EXOC4: variants seen among roughly 807,000 people sequenced by gnomAD.
EXOC4 encodes SEC8-like 1.
EXOC4 carries 71 observed loss-of-function variants against 107.2 expected under a neutral mutation model. The ratio of observed to expected loss-of-function variants is 0.66; its 90% CI spans 0.55 to 0.81. The LOEUF is 0.81. EXOC4 is among the 30% of genes least tolerant of loss of function. The pLI is 0.00. For synonymous variants in EXOC4, 456 were observed against 441.2 expected (o/e 1.03, Z -0.42); for missense variants, 1,108 against 1,189.6 (o/e 0.93, Z 1.01).
intron 10 of EXOC4, among the ~76,000 whole-genome samples, chr7:133,632,123 A>AT (rs1322194682): frequency 2.6e-5 from 4 of 152,092 alleles, no homozygotes; most frequent in African/African-American, 4.8e-5. Context: ...AATAAAATGC[A>AT]TTTTTTTGTA....
At chr7:134,002,165 G>C (rs1216604539) in intron 15 of EXOC4, among the ~76,000 whole-genome samples, 1 of 152,108 alleles carries the variant, frequency 6.6e-6, no homozygotes, top group Non-Finnish European at 1.5e-5. Context: ...ATTAGTACTT[G>C]AATATCAGAA....
intron 11 of EXOC4, among the ~76,000 whole-genome samples, chr7:133,880,396 A>G (rs1437978527): frequency 6.6e-6 from 1 of 152,164 alleles, no homozygotes. Context: ...TGAAGTGTGC[A>G]TGGGTATGTG....
At chr7:133,716,956 T>A (rs1422190890) in intron 10 of EXOC4, among the ~76,000 whole-genome samples, 1 of 152,040 alleles carries the variant, frequency 6.6e-6, no homozygotes, top group Non-Finnish European at 1.5e-5. Flanking sequence ...AGAAAAAAAA[T>A]AAAATATTCT....
At chr7:133,287,624 T>C (rs1218657539) in intron 2 of EXOC4, among the ~76,000 whole-genome samples, 3 of 152,208 alleles carry the variant, frequency 2.0e-5, no homozygotes, top group South Asian at 4.1e-4. Context: ...ACTATACTTA[T>C]TAAGAGAGGT....
intron 17 of EXOC4, among the ~76,000 whole-genome samples, chr7:134,011,819 G>T (rs1361595274): frequency 6.6e-6 from 1 of 151,790 alleles, no homozygotes. Context: ...ATGGGGAGGG[G>T]ACCAGAGGGT....
In EXOC4 at chr7:133,253,192, G is replaced by GGGAGGCA. The variant is rs575925242; in HGVS notation, c.86+15_86+21dup. The GGGAGGCA allele has an allele frequency of 1.6e-4, 252 of 1,613,768 alleles. No homozygotes were observed. The African/African-American group carries it at 2.8e-3, about 18-fold the overall frequency. ...GCTGCTCATCTCTGTGATCAGGTGA[G>GGGAGGCA]GGAGGCAGGAGGCAGGGTCTGGGGA... is the stretch of plus-strand genomic sequence containing the variant. On this transcript the variant is annotated splice_donor_region_variant and intron_variant, in intron 1 of 17. Transcript: ENST00000253861.
At chr7:133,632,112 TAATAA>T (rs528166425) in intron 10 of EXOC4, among the ~76,000 whole-genome samples, 3 of 152,176 alleles carry the variant, frequency 2.0e-5, no homozygotes, top group East Asian at 3.8e-4. Flanking sequence ...ATTTTACACT[TAATAA>T]AATGCATTTT....
chr7:134,068,530 A>G (rs1409653280), downstream of EXOC4, among the ~76,000 whole-genome samples: 1 of 151,882 alleles, frequency 6.6e-6, no homozygotes, highest in Non-Finnish European at 1.5e-5. Flanking sequence ...CCTCTTTTTC[A>G]TTATAAATTA....
At chr7:133,524,529 G>A (rs1584977074) in intron 9 of EXOC4, among the ~76,000 whole-genome samples, 1 of 139,252 alleles carries the variant, frequency 7.2e-6, no homozygotes, top group African/African-American at 2.7e-5. Flanking sequence ...CCTATGTCCT[G>A]AATGGTAATG....
intron 11 of EXOC4, among the ~76,000 whole-genome samples, chr7:133,856,332 A>G (rs1272041104): frequency 6.6e-6 from 1 of 152,268 alleles, no homozygotes; most frequent in African/African-American, 2.4e-5. Flanking sequence ...AATATGTGTG[A>G]TGCTTTAGTG....
At chr7:133,437,395 C>G (rs1798000463) in intron 7 of EXOC4, among the ~76,000 whole-genome samples, 1 of 152,158 alleles carries the variant, frequency 6.6e-6, no homozygotes, top group Non-Finnish European at 1.5e-5. Flanking sequence ...CATTCATTTT[C>G]TAGCTCATGG....
chr7:133,713,866 G>A (rs1022785317), intron 10 of EXOC4, among the ~76,000 whole-genome samples: 1 of 152,138 alleles, frequency 6.6e-6, no homozygotes, highest in Non-Finnish European at 1.5e-5. Context: ...GCTGAACTGT[G>A]AGCCAATTAA....
At chr7:134,047,883 G>T (rs116858731) in intron 17 of EXOC4, among the ~76,000 whole-genome samples, 58 of 152,154 alleles carry the variant, frequency 3.8e-4, no homozygotes, top group Non-Finnish European at 7.5e-4. Flanking sequence ...ATGGCCTTGC[G>T]GTAAAGAAAG....
chr7:133,371,100 A>G (rs1302160302), intron 6 of EXOC4, among the ~76,000 whole-genome samples: 3 of 152,204 alleles, frequency 2.0e-5, no homozygotes, highest in African/African-American at 7.2e-5. Context: ...ATGTAAAGGA[A>G]TCAGCTTTCA....
intron 9 of EXOC4, among the ~76,000 whole-genome samples, chr7:133,532,203 G>A (rs1584981552): frequency 6.6e-6 from 1 of 151,954 alleles, no homozygotes; most frequent in African/African-American, 2.4e-5. Context: ...TAATGTTGGG[G>A]AAGCCAGTAA....
intron 9 of EXOC4, among the ~76,000 whole-genome samples, chr7:133,537,116 A>G (rs771609034): frequency 1.3e-5 from 2 of 151,976 alleles, no homozygotes; most frequent in Non-Finnish European, 2.9e-5. Context: ...GTTTCAGGAA[A>G]CCAAATCCTT....
At chr7:133,877,520 C>T (rs543319108) in intron 11 of EXOC4, among the ~76,000 whole-genome samples, 12 of 152,114 alleles carry the variant, frequency 7.9e-5, no homozygotes, top group Admixed American at 5.2e-4. Flanking sequence ...AATTTGGCCC[C>T]GCTACTGAGA....
At chr7:133,484,292 G>A in intron 9 of EXOC4, 3 of 937,584 alleles carry the variant, frequency 3.2e-6, no homozygotes, top group South Asian at 2.2e-5. Flanking sequence ...CAGTTGGGCT[G>A]CGGAGATGTG....
intron 10 of EXOC4, among the ~76,000 whole-genome samples, chr7:133,747,387 G>C (rs1376848275): frequency 6.6e-6 from 1 of 152,126 alleles, no homozygotes; most frequent in African/African-American, 2.4e-5. Flanking sequence ...AAATGGTACA[G>C]GTTGAATTTT....
Sources: allele counts gnomAD v4.1 joint callset (sites outside exome capture counted in the v4.1 genomes callset), GRCh38; gene constraint gnomAD v4.1.1; transcripts MANE v1.5; gene names NCBI Gene and HGNC (gene_info 2026-07-23, HGNC 2026-07-21).